CACNA1C: variants seen among roughly 807,000 people sequenced by gnomAD.
CACNA1C encodes the protein voltage-dependent L-type calcium channel subunit alpha-1C.
CACNA1C carries 30 observed loss-of-function variants against 229.0 expected under a neutral mutation model. The ratio of observed to expected loss-of-function variants is 0.13; its 90% CI spans 0.10 to 0.18. The LOEUF (loss-of-function observed/expected upper bound fraction) is 0.18. CACNA1C is among the 10% of genes least tolerant of loss of function. The pLI is 1.00. For missense variants in CACNA1C, 1,658 were observed against 2,845.0 expected, an observed-to-expected ratio of 0.58 and a Z score of 9.49; for synonymous variants, 1,114 against 1,132.5, an observed-to-expected ratio of 0.98 and a Z score of 0.33.
intron 3 of CACNA1C, among the ~76,000 whole-genome samples, chr12:2,378,574 A>G (rs759954430): frequency 5.9e-5 from 9 of 152,204 alleles, no homozygotes; most frequent in Admixed American, 4.6e-4. Context: ...GCAGTTGTCT[A>G]TGGGAAATTT....
chr12:2,409,155 C>T (rs1331271174), intron 3 of CACNA1C, among the ~76,000 whole-genome samples: 1 of 152,226 alleles, frequency 6.6e-6, no homozygotes, highest in Non-Finnish European at 1.5e-5. Flanking sequence ...GTCCTTTTGT[C>T]CTCATGATAA....
At chr12:2,226,125 GCACACACACACACACACA>G (rs59055471) in intron 3 of CACNA1C, among the ~76,000 whole-genome samples, 13 of 142,770 alleles carry the variant, frequency 9.1e-5, no homozygotes, top group South Asian at 4.7e-4. Context: ...ATGGGGACGC[GCACACACACACACACACA>G]CACACACACA....
At position 2,303,586 on chromosome 12, in the gene CACNA1C, G is replaced by A. The variant is rs369889837; in HGVS notation, c.478-145390G>A. ...TCGCGACCAGCCCGGGTAACACAGG[G>A]AGACCCTGTCTGTACAAAAAAAAAC... On this transcript the variant is annotated intron_variant, in intron 3 of 46. Transcript: ENST00000399655. Among the ~76,000 whole-genome samples, 164 of 152,232 alleles carry A rather than the reference G, an allele frequency of 1.1e-3. 2 individuals carry two copies. In the South Asian group the frequency reaches 0.034, roughly 31 times the overall value.
intron 37 of CACNA1C, among the ~76,000 whole-genome samples, chr12:2,667,324 G>A (rs532302501): frequency 2.0e-5 from 3 of 152,112 alleles, no homozygotes; most frequent in Admixed American, 6.5e-5. Context: ...GCCATTCCGT[G>A]CTCCTTGTTG....
At chr12:2,496,015 A>C (rs1331234142) in intron 7 of CACNA1C, among the ~76,000 whole-genome samples, 2 of 152,138 alleles carry the variant, frequency 1.3e-5, no homozygotes, top group Non-Finnish European at 2.9e-5. Flanking sequence ...CTTCTAGGCC[A>C]GTATCTCTAA....
rs115065069 is a variant in CACNA1C, at chr12:2,502,405, A to G, written c.1114-2437A>G. Reference sequence around the variant, plus strand: ...GCATGGAAGACAAACAGCAAATAATACACGTAATAAATAGGTAATGATACA... The same window carrying G: ...GCATGGAAGACAAACAGCAAATAATGCACGTAATAAATAGGTAATGATACA... On this transcript the variant is annotated intron_variant, in intron 7 of 46. Coordinates refer to ENST00000399655, the MANE Select transcript of CACNA1C (RefSeq NM_000719.7). 5.7e-3 allele frequency among the ~76,000 whole-genome samples: 871 copies of G among 152,314 alleles called. 9 individuals carry two copies. Among genetic ancestry groups the G allele is most frequent in the African/African-American group, 0.02 (824 of 41,550 alleles).
chr12:2,335,497 G>A (rs920652607), intron 3 of CACNA1C, among the ~76,000 whole-genome samples: 3 of 152,132 alleles, frequency 2.0e-5, no homozygotes, highest in African/African-American at 4.8e-5. Context: ...AGACAGAATG[G>A]CAGCACCTTT....
chr12:2,386,637 C>T (rs1281307142), intron 3 of CACNA1C, among the ~76,000 whole-genome samples: 2 of 152,198 alleles, frequency 1.3e-5, no homozygotes, highest in Non-Finnish European at 1.5e-5. Flanking sequence ...CACAGGTTCA[C>T]CACTCTGCCT....
chr12:2,229,238 T>C (rs568456718), intron 3 of CACNA1C, among the ~76,000 whole-genome samples: 3 of 152,318 alleles, frequency 2.0e-5, no homozygotes, highest in African/African-American at 7.2e-5. Context: ...TACCTCGGCC[T>C]CATTGAAAGA....
At chr12:2,523,766 G>C (rs1348966112) in intron 9 of CACNA1C, among the ~76,000 whole-genome samples, 1 of 152,226 alleles carries the variant, frequency 6.6e-6, no homozygotes, top group Admixed American at 6.5e-5. Flanking sequence ...GGGCGTTAAA[G>C]TAGCTCAGCA....
intron 45 of CACNA1C, among the ~76,000 whole-genome samples, chr12:2,686,830 CA>C (rs1444386996): frequency 6.6e-6 from 1 of 152,198 alleles, no homozygotes. Context: ...TCCAAGATGC[CA>C]GGACCAAACA....
chr12:2,119,266 C>T (rs1400557659), intron 2 of CACNA1C, among the ~76,000 whole-genome samples: 2 of 151,972 alleles, frequency 1.3e-5, no homozygotes, highest in African/African-American at 2.4e-5. Flanking sequence ...TTATGGTGGT[C>T]CCTTCACCCC....
chr12:2,366,194 T>C (rs914963904), intron 3 of CACNA1C, among the ~76,000 whole-genome samples: 3 of 152,170 alleles, frequency 2.0e-5, no homozygotes, highest in African/African-American at 7.2e-5. Context: ...CACTTACTAA[T>C]TGTGGGACTG....
chr12:2,523,135 TGGGGCGGG>T (rs2099813088), intron 9 of CACNA1C, among the ~76,000 whole-genome samples: 1 of 4,306 alleles, frequency 2.3e-4, no homozygotes, highest in African/African-American at 1.4e-3. Flanking sequence ...AGAGCGGAGA[TGGGGCGGG>T]AGGGCGGGGG....
chr12:1,977,618 A>G (rs982139439), intron 1 of CACNA1C, among the ~76,000 whole-genome samples: 6 of 152,244 alleles, frequency 3.9e-5, no homozygotes, highest in African/African-American at 1.4e-4. Context: ...TAAGTAAAAT[A>G]TAAGATATGG....
Position 2,086,812 on chromosome 12 carries a change from A to G in CACNA1C, c.50-28412A>G, listed in dbSNP as rs1396955801. Among the ~76,000 whole-genome samples, 3 of 152,220 alleles carry G rather than the reference A, an allele frequency of 2.0e-5. No homozygotes were observed. The East Asian group carries it at 5.8e-4, about 29-fold the overall frequency. ...CTGGCCCGGCCTGGACTAGCACACC[A>G]TCACTTCTGTGCACATTTCACTGGC... On this transcript the variant is annotated intron_variant, in intron 1 of 46. Coordinates refer to ENST00000399655, the MANE Select transcript of CACNA1C (RefSeq NM_000719.7).
intron 3 of CACNA1C, among the ~76,000 whole-genome samples, chr12:2,343,655 G>A (rs1027109258): frequency 1.5e-4 from 23 of 152,220 alleles, no homozygotes; most frequent in Non-Finnish European, 2.5e-4. Flanking sequence ...AATGACAGCA[G>A]AGTCTTCAGT....
chr12:2,077,885 C>T (rs1386601582), intron 1 of CACNA1C, among the ~76,000 whole-genome samples: 1 of 152,200 alleles, frequency 6.6e-6, no homozygotes, highest in Admixed American at 6.5e-5. Context: ...ACATGTGTGG[C>T]ACCTGAATTC....
intron 1 of CACNA1C, among the ~76,000 whole-genome samples, chr12:2,106,336 G>A (rs1490397307): frequency 3.5e-5 from 2 of 57,832 alleles, no homozygotes; most frequent in Non-Finnish European, 7.9e-5. Context: ...CCCGGGGAGG[G>A]TTTCCACCTC....
Sources: allele counts gnomAD v4.1 joint callset (sites outside exome capture counted in the v4.1 genomes callset), GRCh38; gene constraint gnomAD v4.1.1; transcripts MANE v1.5; gene names NCBI Gene and HGNC (gene_info 2026-07-23, HGNC 2026-07-21).